Variants in THUMPD1 observed in about 807,000 individuals in gnomAD.
The protein encoded by THUMPD1 is THUMP domain 1 NAT10 acetyltransferase adaptor.
Under a neutral mutation model 31.6 loss-of-function variants are expected in THUMPD1, and 31 were observed. The observed-to-expected ratio is 0.98, with a 90% CI of 0.74 to 1.32. The LOEUF (loss-of-function observed/expected upper bound fraction) is 1.32, where lower values mean the gene tolerates loss of function less well. Among genes scored for constraint, THUMPD1 ranks in the 40% most tolerant of loss-of-function variants. THUMPD1 has a pLI of 0.00. For synonymous variants in THUMPD1, 166 were observed against 158.2 expected, an observed-to-expected ratio of 1.05 and a Z score of -0.37; for missense variants, 446 against 427.8, an observed-to-expected ratio of 1.04 and a Z score of -0.38.
At position 20,737,251 on chromosome 16, in the gene THUMPD1, C is replaced by T. The variant is rs371230649; in HGVS notation, c.691G>A (p.Asp231Asn). ...ACTGTGTACTGTGGATTGGTGAGAT[C>T]CACTTTATTTTCTGAATTGAGGGTG... ...VCTLNSENKV[D>N]LTNPQYTVVV... The change falls in exon 4 of 4, where the codon GAT becomes AAT. Residue 231 changes from aspartate (D) to asparagine (N), a missense_variant. By Grantham distance (23) the Asp-to-Asn change is conservative. Coordinates refer to ENST00000396083, the MANE Select transcript of THUMPD1 (RefSeq NM_017736.5). The T allele has an allele frequency of 1.2e-6, 2 of 1,613,606 alleles. No individual in the cohort carries two copies. The highest frequency in any genetic ancestry group is 2.7e-5 in the African/African-American group (2 of 74,882).
chr16:20,741,482 C>CG, intron 1 of THUMPD1, 27 bp downstream of exon 1: 7 of 160,346 alleles, frequency 4.4e-5, no homozygotes, highest in South Asian at 9.0e-5. Context: ...TGGCAGCCGG[C>CG]CCGCCCGCCC....
chr16:20,737,119 A>G lies in THUMPD1; in HGVS notation c.823T>C (p.Ser275Pro). ...QEVVKSPKDP[S>P]QLNSKQGNGK... ...TTTCCCTGCTTTGAGTTAAGCTGTG[A>G]CGGATCCTTAGGGCTCTTCACCACC... is the stretch of plus-strand genomic sequence containing the variant. Residue 275 changes from serine (S) to proline (P), a missense_variant, in exon 4 of 4, where the codon TCA becomes CCA. Transcript: ENST00000396083. 6.2e-7 allele frequency: 1 copy of G among 1,614,176 alleles called. No homozygotes were observed. Among genetic ancestry groups the G allele is most frequent in the South Asian group, 1.1e-5 (1 of 91,090 alleles).
At chr16:20,738,625 T>C (rs2079891205) in intron 2 of THUMPD1, 1 of 403,256 alleles carries the variant, frequency 2.5e-6, no homozygotes, top group African/African-American at 2.0e-5. Flanking sequence ...GAGTAGCAGC[T>C]GCCCCTTATT....
Position 20,736,637 on chromosome 16 carries a change from C to G in THUMPD1, c.*243G>C, listed in dbSNP as rs2079872033. The G allele has an allele frequency of 4.5e-6, 2 of 442,706 alleles. No individual in the cohort carries two copies. Among genetic ancestry groups the G allele is most frequent in the South Asian group, 4.1e-5 (1 of 24,572 alleles). 27.4% of individuals were successfully genotyped at this position (442,706 alleles called of 1,614,324 possible). On this transcript the variant is annotated 3_prime_UTR_variant, in exon 4 of 4. Transcript: ENST00000396083. ...AGGAGCCTGGGAGAGGCCAACATCC[C>G]CCTCCTATCCTCCCCTCTTTGCAAC...
At chr16:20,738,068 T>A in intron 2 of THUMPD1, 112 bp from the exon 3 acceptor site, 1 of 1,053,288 alleles carries the variant, frequency 9.5e-7, no homozygotes, top group Non-Finnish European at 1.4e-6. Context: ...ATTCTCATAA[T>A]GAATTTTAAA....
In THUMPD1 at chr16:20,739,072, C is replaced by G. The variant is rs774540970; in HGVS notation, c.232-1G>C. 1 of 1,614,100 alleles carries G rather than the reference C, an allele frequency of 6.2e-7. No individual in the cohort carries two copies. The highest frequency in any genetic ancestry group is 1.1e-5 in the South Asian group (1 of 91,078). ...AGGGCTGCTGATCCTTGTCTGTAAA[C>G]TGTTTGCATAAAACTAATGAGCAGA... On this transcript the variant is annotated splice_acceptor_variant, in intron 1 of 3. Coordinates refer to ENST00000396083, the MANE Select transcript of THUMPD1 (RefSeq NM_017736.5). LOFTEE classifies it high-confidence loss of function.
At chr16:20,738,610 G>T in intron 2 of THUMPD1, 1 of 367,356 alleles carries the variant, frequency 2.7e-6, no homozygotes, top group Non-Finnish European at 5.0e-6. Flanking sequence ...CAACTGGCTG[G>T]AGCTGAGTAG....
intron 1 of THUMPD1, 28 bp downstream of exon 1, chr16:20,741,481 G>GGGGGGGGGGGGGGCGCCC: frequency 7.6e-7 from 1 of 1,308,414 alleles, no homozygotes; most frequent in Non-Finnish European, 9.9e-7. Flanking sequence ...CTGGCAGCCG[G>GGGGGGGGGGGGGGCGCCC]CCCGCCCGCC....
At position 20,739,009 on chromosome 16, in the gene THUMPD1, G is replaced by A; in HGVS notation, c.294C>T (p.Ala98=). The change falls in exon 2 of 4, where the codon GCC becomes GCT. Residue 98 remains alanine (A), a synonymous_variant. Transcript: ENST00000396083. ...SEGEDDDAEA[A]LKKEVGDIKA... ...TAATGTCACCAACTTCTTTCTTCAA[G>A]GCAGCCTCCGCATCATCATCCTCTC... 1 of 1,614,114 alleles carries A rather than the reference G, an allele frequency of 6.2e-7. No individual in the cohort carries two copies. Among genetic ancestry groups the A allele is most frequent in the Non-Finnish European group, 8.5e-7 (1 of 1,180,030 alleles).
rs768847117 is a variant in THUMPD1 at position 20,737,101 on chromosome 16, G to C, written c.841C>G (p.Gln281Glu). Residue 281 changes from glutamine (Q) to glutamate (E), a missense_variant, in exon 4 of 4, where the codon CAG becomes GAG. Physicochemically the swap from Gln to Glu is conservative, Grantham distance 29. Transcript: ENST00000396083. ...AGTTTAGCTTCTTTCCCATTTCCCT[G>C]CTTTGAGTTAAGCTGTGACGGATCC... The part of the protein sequence containing the change: ...PKDPSQLNSK[Q>E]GNGKEAKLES... 7 of 1,613,994 alleles carry C rather than the reference G, an allele frequency of 4.3e-6. No homozygotes were observed. Among genetic ancestry groups the C allele is most frequent in the Non-Finnish European group, 4.2e-6 (5 of 1,180,026 alleles).
At chr16:20,737,570 A>G (rs933688191) in intron 3 of THUMPD1, 138 bp downstream of exon 3, 1 of 900,106 alleles carries the variant, frequency 1.1e-6, no homozygotes, top group Non-Finnish European at 1.6e-6. Context: ...CAGTTGATTT[A>G]ATACTATTTT....
chr16:20,739,990 C>G (rs901970838), intron 1 of THUMPD1, among the ~76,000 whole-genome samples: 7 of 152,192 alleles, frequency 4.6e-5, no homozygotes, highest in Non-Finnish European at 8.8e-5. Context: ...GACCAGGTAT[C>G]TGTGTGCCTC....
chr16:20,741,482 C>CCA, intron 1 of THUMPD1, 27 bp downstream of exon 1: 1 of 160,350 alleles, frequency 6.2e-6, no homozygotes, highest in Non-Finnish European at 1.3e-5. Flanking sequence ...TGGCAGCCGG[C>CCA]CCGCCCGCCC....
At chr16:20,738,175 T>C in intron 2 of THUMPD1, 1 of 590,852 alleles carries the variant, frequency 1.7e-6, no homozygotes, top group Non-Finnish European at 3.1e-6. Flanking sequence ...TCATTATTAC[T>C]GCTTGCACTA....
At position 20,736,886 on chromosome 16, in the gene THUMPD1, G is replaced by A. The variant is rs1474946447; in HGVS notation, c.1056C>T (p.Phe352=). Residue 352 remains phenylalanine (F), a synonymous_variant, in exon 4 of 4, where the codon TTC becomes TTT. Coordinates refer to ENST00000396083, the MANE Select transcript of THUMPD1 (RefSeq NM_017736.5). ...TCCAACACCAAATGACTTCCTATGA[G>A]AAGTCATTTTCATTTGACTTGGATC... The part of the protein sequence containing the change: ...TEGSKSNEND[F]S 1 of 1,613,474 alleles carries A rather than the reference G, an allele frequency of 6.2e-7. No individual in the cohort carries two copies. Among genetic ancestry groups the A allele is most frequent in the African/African-American group, 1.3e-5 (1 of 74,860 alleles).
chr16:20,741,481 G>GGGGGGGGGGGGGGCCCCC, intron 1 of THUMPD1, 28 bp downstream of exon 1: 6 of 1,308,410 alleles, frequency 4.6e-6, no homozygotes, highest in East Asian at 3.2e-5. Context: ...CTGGCAGCCG[G>GGGGGGGGGGGGGGCCCCC]CCCGCCCGCC....
At chr16:20,738,046 T>A in intron 2 of THUMPD1, 90 bp from the exon 3 acceptor site, 4 of 1,221,938 alleles carry the variant, frequency 3.3e-6, no homozygotes, top group Non-Finnish European at 1.2e-6. Flanking sequence ...ATGACATAAG[T>A]TGACAGAAGA....
intron 1 of THUMPD1, 72 bp downstream of exon 1, chr16:20,741,437 G>A (rs2152422881): frequency 6.2e-6 from 9 of 1,451,826 alleles, no homozygotes; most frequent in East Asian, 2.5e-5. Context: ...CATACCAGCA[G>A]CCATCCCTCC....
rs9930434 is a variant in THUMPD1, at chr16:20,736,614, G to A, written c.*266C>T. ...TAAGTCAGCTGGCACTGCAGAAGAG[G>A]AGCCTGGGAGAGGCCAACATCCCCC... On this transcript the variant is annotated 3_prime_UTR_variant, in exon 4 of 4. Transcript: ENST00000396083. 8.8e-3 allele frequency: 3,399 copies of A among 386,528 alleles called. 94 individuals carry two copies. Among genetic ancestry groups the A allele is most frequent in the African/African-American group, 0.062 (3,072 of 49,914 alleles). The allele number at this position is 386,528 out of a possible 1,614,324, so 23.9% of individuals were successfully genotyped here. A position where few individuals can be genotyped will look rare whatever the true frequency, so the allele number is the denominator to read the frequency against.
Sources: gnomAD v4.1 joint callset for allele counts (sites outside exome capture counted in the v4.1 genomes callset) on GRCh38, gnomAD v4.1.1 for gene constraint, MANE v1.5 for transcripts, NCBI Gene and HGNC (gene_info 2026-07-23, HGNC 2026-07-21) for gene names.